UHRF2: variants seen among roughly 807,000 people sequenced by gnomAD.
UHRF2 encodes the protein E3 ubiquitin-protein ligase UHRF2.
Under a neutral mutation model 96.8 loss-of-function variants are expected in UHRF2, and 23 were observed. That is an observed-to-expected ratio of 0.24 (90% confidence interval 0.17 to 0.34). The LOEUF (loss-of-function observed/expected upper bound fraction) is 0.34. Ranked by LOEUF, UHRF2 falls within the 10% of genes least tolerant of loss-of-function variation. The pLI, the probability that UHRF2 is intolerant of heterozygous loss-of-function variation, is 1.00. For missense variants in UHRF2, 685 were observed against 981.5 expected (o/e 0.70, Z 4.04); for synonymous variants, 385 against 332.6 (o/e 1.16, Z -1.72).
At chr9:6,492,372 G>C (rs1824714733) in intron 9 of UHRF2, 1 of 1,189,634 alleles carries the variant, frequency 8.4e-7, no homozygotes, top group Non-Finnish European at 1.1e-6. Flanking sequence ...GTTTTGATCA[G>C]TTTAAGAAGT....
At chr9:6,475,911 G>A (rs540947191) in intron 5 of UHRF2, among the ~76,000 whole-genome samples, 13 of 151,968 alleles carry the variant, frequency 8.6e-5, no homozygotes, top group Non-Finnish European at 1.6e-4. Flanking sequence ...TTCTTTTAGC[G>A]ATTTTGAAAC....
intron 4 of UHRF2, among the ~76,000 whole-genome samples, chr9:6,470,774 T>A (rs1473934527): frequency 6.6e-6 from 1 of 152,150 alleles, no homozygotes; most frequent in East Asian, 1.9e-4. Context: ...CAATCTCTAA[T>A]GCAACTACTA....
intron 4 of UHRF2, among the ~76,000 whole-genome samples, chr9:6,461,060 G>A (rs1206643518): frequency 1.3e-5 from 2 of 152,096 alleles, no homozygotes; most frequent in Non-Finnish European, 2.9e-5. Context: ...CTTCCTCATA[G>A]GATTCTTATA....
intron 4 of UHRF2, among the ~76,000 whole-genome samples, chr9:6,463,702 C>T (rs1165894394): frequency 6.6e-6 from 1 of 152,124 alleles, no homozygotes; most frequent in Admixed American, 6.6e-5. Flanking sequence ...AACCCCTGAG[C>T]TCAGGCTATC....
At chr9:6,488,728 C>G (rs1386126361) in intron 9 of UHRF2, among the ~76,000 whole-genome samples, 1 of 151,478 alleles carries the variant, frequency 6.6e-6, no homozygotes, top group South Asian at 2.1e-4. Context: ...TCTGGAACTC[C>G]TGGCCTCAGG....
chr9:6,427,252 T>G (rs964945347), intron 2 of UHRF2, among the ~76,000 whole-genome samples: 1 of 152,214 alleles, frequency 6.6e-6, no homozygotes, highest in Non-Finnish European at 1.5e-5. Context: ...TGAAATTGCT[T>G]TATGGATGAG....
chr9:6,467,018 T>G (rs769294878), intron 4 of UHRF2, among the ~76,000 whole-genome samples: 2 of 152,250 alleles, frequency 1.3e-5, no homozygotes, highest in Non-Finnish European at 2.9e-5. Flanking sequence ...GTATTTAGTT[T>G]CCTATTGCTG....
chr9:6,469,774 GTGTATATA>G (rs1271889775), intron 4 of UHRF2, among the ~76,000 whole-genome samples: 1 of 149,712 alleles, frequency 6.7e-6, no homozygotes, highest in Non-Finnish European at 1.5e-5. Flanking sequence ...GTATATATGT[GTGTATATA>G]TATGTATATA....
intron 4 of UHRF2, among the ~76,000 whole-genome samples, chr9:6,472,550 A>G (rs1823307471): frequency 6.6e-6 from 1 of 152,250 alleles, no homozygotes; most frequent in Non-Finnish European, 1.5e-5. Flanking sequence ...CAGGAGAACT[A>G]GGTTCAGACA....
At chr9:6,428,506 T>C (rs1448932473) in intron 2 of UHRF2, among the ~76,000 whole-genome samples, 3 of 150,938 alleles carry the variant, frequency 2.0e-5, no homozygotes, top group African/African-American at 7.3e-5. Context: ...TTCTGAACTT[T>C]ATGTAAATGG....
At chr9:6,505,414 G>T (rs1436101239) in intron 15 of UHRF2, among the ~76,000 whole-genome samples, 6 of 152,098 alleles carry the variant, frequency 3.9e-5, no homozygotes, top group Non-Finnish European at 7.4e-5. Context: ...TCCTGTCTCA[G>T]CCTGTGGAGT....
At chr9:6,434,669 C>A (rs1820735335) in intron 3 of UHRF2, among the ~76,000 whole-genome samples, 1 of 152,022 alleles carries the variant, frequency 6.6e-6, no homozygotes, top group Non-Finnish European at 1.5e-5. Flanking sequence ...AAACACCTGA[C>A]CTCAAGTGAT....
chr9:6,417,388 A>C (rs571851317), intron 1 of UHRF2, among the ~76,000 whole-genome samples: 1 of 152,170 alleles, frequency 6.6e-6, no homozygotes, highest in African/African-American at 2.4e-5. Context: ...CCTAAGTTAC[A>C]TGCTTCTGAC....
rs565976464 is a variant in UHRF2, at chr9:6,447,477, C to G, written c.645-13096C>G. On this transcript the variant is annotated intron_variant, in intron 3 of 15. Transcript: ENST00000276893. ...AAAGGTAGAGGAGATATTTTAGTTC[C>G]TGAAGGAGAACAGCAGTATACAAGG... Among the ~76,000 whole-genome samples, 3 of 152,100 alleles carry G rather than the reference C, an allele frequency of 2.0e-5. No individual in the cohort carries two copies. In the East Asian group the frequency reaches 5.8e-4, roughly 29 times the overall value.
Position 6,481,980 on chromosome 9 carries a change from T to C in UHRF2, c.1285-12T>C. 1 of 1,609,306 alleles carries C rather than the reference T, an allele frequency of 6.2e-7. No individual in the cohort carries two copies. Among genetic ancestry groups the C allele is most frequent in the Non-Finnish European group, 8.5e-7 (1 of 1,178,384 alleles). The stretch of plus-strand genomic sequence containing the variant: ...ATAACTGATTTCTCAACGTTTGTTT[T>C]GCGTCTTGTAGGGAATGGCTTGTGT... On this transcript the variant is annotated splice_polypyrimidine_tract_variant and intron_variant, in intron 7 of 15. Transcript: ENST00000276893.
At chr9:6,503,773 A>C (rs1428974673) in intron 14 of UHRF2, among the ~76,000 whole-genome samples, 1 of 152,118 alleles carries the variant, frequency 6.6e-6, no homozygotes, top group Non-Finnish European at 1.5e-5. Flanking sequence ...GGCAGTCAGT[A>C]TGTAATGACC....
chr9:6,493,062 C>T (rs946116935), intron 9 of UHRF2, among the ~76,000 whole-genome samples: 1 of 152,004 alleles, frequency 6.6e-6, no homozygotes, highest in East Asian at 1.9e-4. Context: ...CTTTGGGAGG[C>T]CAAGGCGGGT....
chr9:6,433,814 T>C, intron 2 of UHRF2, 100 bp from the exon 3 acceptor site: 1 of 1,243,380 alleles, frequency 8.0e-7, no homozygotes, highest in Non-Finnish European at 1.1e-6. Context: ...GCTGCAAATA[T>C]TGTTTACCAT....
intron 4 of UHRF2, among the ~76,000 whole-genome samples, chr9:6,474,216 T>C (rs1256022379): frequency 1.3e-5 from 2 of 152,242 alleles, no homozygotes; most frequent in Non-Finnish European, 2.9e-5. Flanking sequence ...TATGCATTTA[T>C]GCAGTTTTTT....
Sources: allele counts gnomAD v4.1 joint callset (sites outside exome capture counted in the v4.1 genomes callset), GRCh38; gene constraint gnomAD v4.1.1; transcripts MANE v1.5; gene names NCBI Gene and HGNC (gene_info 2026-07-23, HGNC 2026-07-21).